The following GRIN2B variants were observed in gnomAD, a reference collection of about 807,000 sequenced individuals.
GRIN2B encodes glutamate ionotropic receptor NMDA type subunit 2B.
GRIN2B carries 5 observed loss-of-function variants against 114.5 expected under a neutral mutation model. That is an observed-to-expected ratio of 0.04 (90% CI 0.02 to 0.09). The LOEUF is 0.09. GRIN2B is among the 10% of genes least tolerant of loss of function. GRIN2B has a pLI of 1.00. For synonymous variants in GRIN2B, 787 were observed against 745.1 expected (o/e 1.06, Z -0.92); for missense variants, 1,108 against 1,943.5 (o/e 0.57, Z 8.08).
At chr12:13,785,403 A>G (rs1460121991) in intron 3 of GRIN2B, among the ~76,000 whole-genome samples, 1 of 152,008 alleles carries the variant, frequency 6.6e-6, no homozygotes, top group East Asian at 1.9e-4. Context: ...GGCCAATTCC[A>G]TCTCTGACAT....
At chr12:13,889,682 C>A (rs1456675232) in intron 2 of GRIN2B, among the ~76,000 whole-genome samples, 1 of 152,174 alleles carries the variant, frequency 6.6e-6, no homozygotes, top group Admixed American at 6.5e-5. Context: ...ATGCCAAACT[C>A]ATTTTCCCCC....
chr12:13,708,741 G>A (rs1394117080), intron 4 of GRIN2B, among the ~76,000 whole-genome samples: 1 of 152,036 alleles, frequency 6.6e-6, no homozygotes, highest in East Asian at 1.9e-4. Context: ...TATCCAAGGT[G>A]ACAGGTATCG....
In GRIN2B at chr12:13,737,993, C is replaced by T. The variant is rs542812780; in HGVS notation, c.1010+15324G>A. ...CAGTAGACATTGCCAAGATTGGGCT[C>T]GGTCAGAACCACAAAAATGCCACAC... On this transcript the variant is annotated intron_variant, in intron 4 of 13. Coordinates refer to ENST00000609686, the MANE Select transcript of GRIN2B (RefSeq NM_000834.5). 2.0e-3 allele frequency among the ~76,000 whole-genome samples: 311 copies of T among 152,282 alleles called. 7 individuals are homozygous for T. Among genetic ancestry groups the T allele is most frequent in the Non-Finnish European group, 4.3e-4 (29 of 68,018 alleles).
At chr12:13,799,893 T>C (rs536563326) in intron 3 of GRIN2B, among the ~76,000 whole-genome samples, 55 of 152,178 alleles carry the variant, frequency 3.6e-4, no homozygotes, top group Admixed American at 6.5e-4. Context: ...CTCAGGCTCC[T>C]AATATGAAGA....
intron 10 of GRIN2B, among the ~76,000 whole-genome samples, chr12:13,593,152 G>A (rs1359928775): frequency 3.3e-5 from 5 of 152,072 alleles, no homozygotes; most frequent in Admixed American, 6.5e-5. Flanking sequence ...GTGCTATCCC[G>A]ATCAAGCTAC....
intron 2 of GRIN2B, among the ~76,000 whole-genome samples, chr12:13,935,032 A>T (rs1211687940): frequency 6.6e-6 from 1 of 152,062 alleles, no homozygotes; most frequent in African/African-American, 2.4e-5. Flanking sequence ...CTAAAAGAAG[A>T]CCCAAGTTTT....
intron 4 of GRIN2B, among the ~76,000 whole-genome samples, chr12:13,697,111 C>T (rs1171346721): frequency 6.6e-6 from 1 of 151,976 alleles, no homozygotes; most frequent in Non-Finnish European, 1.5e-5. Context: ...GGTTTATTCC[C>T]CCACCCCCAA....
intron 3 of GRIN2B, among the ~76,000 whole-genome samples, chr12:13,784,937 C>T (rs1864197224): frequency 2.0e-5 from 3 of 152,218 alleles, no homozygotes; most frequent in South Asian, 2.1e-4. Context: ...TTATGAGAAA[C>T]GAGACATGGT....
chr12:13,712,344 C>T (rs1370683697), intron 4 of GRIN2B, among the ~76,000 whole-genome samples: 4 of 151,568 alleles, frequency 2.6e-5, no homozygotes, highest in East Asian at 1.9e-4. Context: ...CAAACCTGCA[C>T]GTTGTGCACA....
intron 2 of GRIN2B, among the ~76,000 whole-genome samples, chr12:13,931,944 C>T (rs1361375423): frequency 1.3e-5 from 2 of 152,152 alleles, no homozygotes; most frequent in Admixed American, 6.6e-5. Flanking sequence ...TGTCTCTCTC[C>T]CTTACAAACT....
At chr12:13,903,184 A>T (rs1866483403) in intron 2 of GRIN2B, among the ~76,000 whole-genome samples, 1 of 152,134 alleles carries the variant, frequency 6.6e-6, no homozygotes, top group African/African-American at 2.4e-5. Context: ...TTTAAAAAAA[A>T]CTTTACGTTT....
chr12:13,594,841 G>A (rs945472795), intron 10 of GRIN2B, among the ~76,000 whole-genome samples: 1 of 152,018 alleles, frequency 6.6e-6, no homozygotes, highest in Non-Finnish European at 1.5e-5. Flanking sequence ...AGTTGAAGTT[G>A]CATTATAAAG....
chr12:13,851,563 C>T (rs1432001215), intron 3 of GRIN2B, among the ~76,000 whole-genome samples: 1 of 152,082 alleles, frequency 6.6e-6, no homozygotes, highest in Non-Finnish European at 1.5e-5. Flanking sequence ...AAATCTAAAT[C>T]CTTGGGTATG....
At chr12:13,929,915 G>A (rs1408720903) in intron 2 of GRIN2B, among the ~76,000 whole-genome samples, 1 of 152,212 alleles carries the variant, frequency 6.6e-6, no homozygotes, top group Admixed American at 6.5e-5. Context: ...GCTGGGCGCA[G>A]TGGCTCAAAC....
In GRIN2B at chr12:13,556,456, G is replaced by A. The variant is rs1948480458; in HGVS notation, c.*6327C>T. On this transcript the variant is annotated 3_prime_UTR_variant, in exon 14 of 14. Transcript: ENST00000609686. ...GGGACATAGTACGTGCACAATAGACGTTGGTTTAATTAAACTCACATATTT... is the reference window on the plus strand; with the variant it reads ...GGGACATAGTACGTGCACAATAGACATTGGTTTAATTAAACTCACATATTT... 1 of 152,016 alleles carries A rather than the reference G, an allele frequency of 6.6e-6. No homozygotes were observed. Among genetic ancestry groups the A allele is most frequent in the African/African-American group, 2.4e-5 (1 of 41,394 alleles). 9.4% of individuals were successfully genotyped at this position (152,016 alleles called of 1,614,324 possible). A position where few individuals can be genotyped will look rare whatever the true frequency, so the allele number is the denominator to read the frequency against.
rs754803710 is a variant in GRIN2B at position 13,866,236 on chromosome 12, CA to C, written c.-18-11del. On this transcript the variant is annotated splice_polypyrimidine_tract_variant and intron_variant, in intron 2 of 13. Coordinates refer to ENST00000609686, the MANE Select transcript of GRIN2B (RefSeq NM_000834.5). Reference sequence around the variant, plus strand: ...TCAACTCGTCGACTCCCTGCAAACACAAAGAAAGAGCATGTTAAAATAGGAT... The same window carrying C: ...TCAACTCGTCGACTCCCTGCAAACACAAGAAAGAGCATGTTAAAATAGGAT... 2 of 1,600,482 alleles carry C rather than the reference CA, an allele frequency of 1.2e-6. No individual in the cohort carries two copies. Among genetic ancestry groups the C allele is most frequent in the Non-Finnish European group, 1.7e-6 (2 of 1,178,762 alleles).
intron 3 of GRIN2B, among the ~76,000 whole-genome samples, chr12:13,768,110 G>C (rs1054019254): frequency 2.6e-5 from 4 of 152,228 alleles, no homozygotes; most frequent in Non-Finnish European, 5.9e-5. Context: ...ATGCCTTCTA[G>C]AGTCAGAATT....
At chr12:13,766,469 T>C (rs943018470) in intron 3 of GRIN2B, among the ~76,000 whole-genome samples, 2 of 152,158 alleles carry the variant, frequency 1.3e-5, no homozygotes, top group Non-Finnish European at 2.9e-5. Context: ...AAAAGAAACA[T>C]AAGAAACACT....
intron 2 of GRIN2B, among the ~76,000 whole-genome samples, chr12:13,905,174 G>T (rs550342643): frequency 2.0e-5 from 3 of 151,928 alleles, no homozygotes; most frequent in Admixed American, 2.0e-4. Flanking sequence ...TTATTTCTTC[G>T]GATATATTTT....
Sources: allele counts gnomAD v4.1 joint callset (sites outside exome capture counted in the v4.1 genomes callset), GRCh38; gene constraint gnomAD v4.1.1; transcripts MANE v1.5; gene names NCBI Gene and HGNC (gene_info 2026-07-23, HGNC 2026-07-21).